Variants in SLC22A24 observed in about 807,000 individuals in gnomAD.
SLC22A24 encodes steroid transmembrane transporter SLC22A24.
SLC22A24 carries 53 observed loss-of-function variants against 49.8 expected under a neutral mutation model. The observed-to-expected ratio is 1.06, with a 90% CI of 0.85 to 1.34. The LOEUF (loss-of-function observed/expected upper bound fraction) is 1.34, where lower values mean the gene tolerates loss of function less well. SLC22A24 is among the 40% of genes most tolerant of loss of function. SLC22A24 has a pLI of 0.00. For missense variants in SLC22A24, 786 were observed against 675.9 expected (o/e 1.16, Z -1.81); for synonymous variants, 302 against 256.4 (o/e 1.18, Z -1.70).
At chr11:63,103,600 T>C (rs1186438413) in intron 5 of SLC22A24, among the ~76,000 whole-genome samples, 1 of 152,070 alleles carries the variant, frequency 6.6e-6, no homozygotes, top group African/African-American at 2.4e-5. Context: ...GAAGAAAAAC[T>C]TCAAAAAAAG....
intron 2 of SLC22A24, among the ~76,000 whole-genome samples, chr11:63,124,241 A>G (rs2087272362): frequency 6.6e-6 from 1 of 152,168 alleles, no homozygotes; most frequent in Non-Finnish European, 1.5e-5. Flanking sequence ...GATTTATGAT[A>G]AGAAAACTTA....
chr11:63,121,632 T>A (rs1013036161), intron 2 of SLC22A24, among the ~76,000 whole-genome samples: 4 of 152,146 alleles, frequency 2.6e-5, no homozygotes, highest in Non-Finnish European at 5.9e-5. Context: ...ATTTTACTTT[T>A]TTTAAGTTTA....
At chr11:63,116,014 G>T in intron 4 of SLC22A24, 1 of 331,498 alleles carries the variant, frequency 3.0e-6, no homozygotes, top group South Asian at 7.1e-5. Context: ...ACATGGGCAA[G>T]AGCCTACTTC....
chr11:63,120,160 CA>C (rs2087241258), intron 2 of SLC22A24, among the ~76,000 whole-genome samples: 2 of 150,754 alleles, frequency 1.3e-5, no homozygotes, highest in African/African-American at 4.9e-5. Context: ...CTTTTGTTGC[CA>C]TTGCTTTTGG....
At chr11:63,080,835 C>T in intron 9 of SLC22A24, 85 bp downstream of exon 9, 4 of 1,199,160 alleles carry the variant, frequency 3.3e-6, no homozygotes, top group Non-Finnish European at 4.7e-6. Context: ...GACAGAGGGC[C>T]CCAAATGGTC....
At chr11:63,113,203 C>CATAT (rs1392395181) in intron 4 of SLC22A24, among the ~76,000 whole-genome samples, 114 of 3,742 alleles carry the variant, frequency 0.03, 15 homozygotes, top group African/African-American at 0.063. Flanking sequence ...TATATATATA[C>CATAT]ATATATATAC....
In SLC22A24 at chr11:63,109,835, G is replaced by A. The variant is rs1321750719; in HGVS notation, c.831-5537C>T. On this transcript the variant is annotated intron_variant, in intron 4 of 9. Transcript: ENST00000612278. ...TGATGGTAGTTTCTTTTGCTGTGCA[G>A]AAGCTCTTTAGTTTAATTAGATCCC... is the stretch of plus-strand genomic sequence containing the variant. Among the ~76,000 whole-genome samples, 21 of 151,282 alleles carry A rather than the reference G, an allele frequency of 1.4e-4. 1 individual carries two copies. The highest frequency in any genetic ancestry group is 1.3e-3 in the Admixed American group (20 of 15,196).
At chr11:63,095,914 G>T in intron 6 of SLC22A24, 77 bp downstream of exon 6, 1 of 1,063,098 alleles carries the variant, frequency 9.4e-7, no homozygotes, top group Non-Finnish European at 1.4e-6. Context: ...TCCAAATGCT[G>T]CTGCTAATCT....
chr11:63,080,334 T>TTTG (rs2086951906), intron 9 of SLC22A24, among the ~76,000 whole-genome samples: 1 of 152,194 alleles, frequency 6.6e-6, no homozygotes, highest in African/African-American at 2.4e-5. Flanking sequence ...TTTTCTTAAT[T>TTTG]TTGTCTCCTC....
At chr11:63,122,354 TC>T (rs2087257960) in intron 2 of SLC22A24, among the ~76,000 whole-genome samples, 1 of 152,206 alleles carries the variant, frequency 6.6e-6, no homozygotes, top group Non-Finnish European at 1.5e-5. Flanking sequence ...CCCTGTAGAC[TC>T]ATTCCACCAT....
intron 4 of SLC22A24, 27 bp from the exon 5 acceptor site, chr11:63,104,325 A>G: frequency 2.0e-6 from 3 of 1,529,978 alleles, no homozygotes; most frequent in South Asian, 1.2e-5. Context: ...ACATAGGTAT[A>G]GTAAACAATT....
chr11:63,139,503 A>C (rs549418230), intron 1 of SLC22A24, among the ~76,000 whole-genome samples: 1 of 152,140 alleles, frequency 6.6e-6, no homozygotes, highest in Admixed American at 6.5e-5. Flanking sequence ...GGAACACTTG[A>C]CTCTTTGCAC....
chr11:63,105,066 T>A (rs151304877), intron 4 of SLC22A24, among the ~76,000 whole-genome samples: 9 of 152,318 alleles, frequency 5.9e-5, no homozygotes, highest in African/African-American at 2.2e-4. Context: ...AGCAGGGCAG[T>A]CAAATATTAA....
At chr11:63,103,564 C>T (rs996266946) in intron 5 of SLC22A24, among the ~76,000 whole-genome samples, 8 of 152,042 alleles carry the variant, frequency 5.3e-5, no homozygotes, top group South Asian at 2.1e-4. Context: ...GAATGAGCCA[C>T]GTCAGGCTCT....
At chr11:63,114,264 T>C (rs556060985) in intron 4 of SLC22A24, among the ~76,000 whole-genome samples, 1 of 152,318 alleles carries the variant, frequency 6.6e-6, no homozygotes, top group South Asian at 2.1e-4. Flanking sequence ...TGTTCACTTC[T>C]TTTTACTCTT....
intron 4 of SLC22A24, among the ~76,000 whole-genome samples, chr11:63,113,307 T>G (rs1412772556): frequency 6.6e-6 from 1 of 150,996 alleles, no homozygotes; most frequent in Non-Finnish European, 1.5e-5. Flanking sequence ...TTATGTTAGC[T>G]AGTTATTTTG....
chr11:63,101,658 A>G (rs1056036793), intron 5 of SLC22A24, among the ~76,000 whole-genome samples: 8 of 152,096 alleles, frequency 5.3e-5, no homozygotes, highest in African/African-American at 1.9e-4. Flanking sequence ...TTGCAGCAAC[A>G]TTCACAATAG....
intron 6 of SLC22A24, among the ~76,000 whole-genome samples, chr11:63,095,605 G>C (rs1481482234): frequency 6.6e-6 from 1 of 152,126 alleles, no homozygotes; most frequent in Non-Finnish European, 1.5e-5. Flanking sequence ...AAATGAGCTT[G>C]TCTGGGTGGT....
intron 1 of SLC22A24, among the ~76,000 whole-genome samples, chr11:63,136,245 CG>C (rs1479501727): frequency 6.6e-6 from 1 of 151,832 alleles, no homozygotes; most frequent in Non-Finnish European, 1.5e-5. Context: ...GAAACTTGCA[CG>C]AAAAAAAGGT....
Sources: allele counts gnomAD v4.1 joint callset (sites outside exome capture counted in the v4.1 genomes callset), GRCh38; gene constraint gnomAD v4.1.1; transcripts MANE v1.5; gene names NCBI Gene and HGNC (gene_info 2026-07-23, HGNC 2026-07-21).